RHOA: variants seen among roughly 807,000 people sequenced by gnomAD.
The protein encoded by RHOA is ras homolog family member A.
In RHOA, 3 loss-of-function variants were observed where a neutral mutation model predicts 17.5. That is an observed-to-expected ratio of 0.17 (90% CI 0.08 to 0.44). The LOEUF is 0.44. Ranked by LOEUF, RHOA falls within the 20% of genes least tolerant of loss-of-function variation. The pLI is 0.99. For missense variants in RHOA, 56 were observed against 242.3 expected, an observed-to-expected ratio of 0.23 and a Z score of 5.10; for synonymous variants, 98 against 88.4, an observed-to-expected ratio of 1.11 and a Z score of -0.61.
At chr3:49,368,619 T>TA (rs2048096584) in intron 2 of RHOA, 71 bp from the exon 3 acceptor site, 1 of 1,540,410 alleles carries the variant, frequency 6.5e-7, no homozygotes, top group Non-Finnish European at 9.0e-7. Context: ...AAGTGACACT[T>TA]ACCATAGTAC....
Position 49,359,434 on chromosome 3 carries a change from C to A in RHOA, c.*775G>T. 1 of 188,688 alleles carries A rather than the reference C, an allele frequency of 5.3e-6. No individual in the cohort carries two copies. The highest frequency in any genetic ancestry group is 1.1e-5 in the Non-Finnish European group (1 of 89,472). The allele number at this position is 188,688 out of a possible 1,614,324, so 11.7% of individuals were successfully genotyped here. The stretch of plus-strand genomic sequence containing the variant: ...CCATGGGGTACTGAGATACATGGGG[C>A]CGAAAAGGGGTAATATGGCCATCTT... On this transcript the variant is annotated 3_prime_UTR_variant, in exon 5 of 5. Transcript: ENST00000418115.
At chr3:49,367,682 C>A (rs2048081855) in intron 3 of RHOA, among the ~76,000 whole-genome samples, 1 of 151,490 alleles carries the variant, frequency 6.6e-6, no homozygotes, top group Non-Finnish European at 1.5e-5. Context: ...CCACCACACC[C>A]AGCTAATTTT....
chr3:49,396,610 G>A (rs1474826707), intron 1 of RHOA, among the ~76,000 whole-genome samples: 1 of 152,096 alleles, frequency 6.6e-6, no homozygotes, highest in African/African-American at 2.4e-5. Flanking sequence ...GGGAGGCTGA[G>A]GCAGGAGAAT....
rs1488405404 is a variant in RHOA, at chr3:49,360,068, T to C, written c.*141A>G. The C allele has an allele frequency of 2.0e-6, 2 of 1,015,646 alleles. No individual in the cohort carries two copies. The highest frequency in any genetic ancestry group is 1.6e-5 in the African/African-American group (1 of 61,540). 62.9% of individuals were successfully genotyped at this position (1,015,646 alleles called of 1,614,324 possible). On this transcript the variant is annotated 3_prime_UTR_variant, in exon 5 of 5. Coordinates refer to ENST00000418115, the MANE Select transcript of RHOA (RefSeq NM_001664.4). ...ATCGTTAATAATCATAGTTGGCTTCTAAATACTGGTAGCAAGATGACTTCT... is the reference window on the plus strand; with the variant it reads ...ATCGTTAATAATCATAGTTGGCTTCCAAATACTGGTAGCAAGATGACTTCT...
chr3:49,363,952 G>A (rs2048013155), intron 3 of RHOA, among the ~76,000 whole-genome samples: 1 of 152,168 alleles, frequency 6.6e-6, no homozygotes, highest in Admixed American at 6.6e-5. Flanking sequence ...GAGAGGCTGA[G>A]GTGGGAGGAT....
intron 1 of RHOA, among the ~76,000 whole-genome samples, chr3:49,408,180 AT>A (rs2048868001): frequency 7.2e-6 from 1 of 138,206 alleles, no homozygotes; most frequent in Admixed American, 7.0e-5. Flanking sequence ...AAAAAAAAAT[AT>A]ATATATATAC....
chr3:49,396,182 A>G (rs1475502850), intron 1 of RHOA, among the ~76,000 whole-genome samples: 1 of 152,246 alleles, frequency 6.6e-6, no homozygotes, highest in Non-Finnish European at 1.5e-5. Flanking sequence ...GTCCAGCAAC[A>G]GGAGAAAACC....
At chr3:49,396,831 T>A (rs28828372) in intron 1 of RHOA, among the ~76,000 whole-genome samples, 7 of 151,704 alleles carry the variant, frequency 4.6e-5, no homozygotes, top group Non-Finnish European at 7.4e-5. Flanking sequence ...CTAAAAAAAA[T>A]TTTTTTAAAG....
intron 1 of RHOA, among the ~76,000 whole-genome samples, chr3:49,393,073 G>T (rs1470459707): frequency 4.6e-5 from 7 of 152,036 alleles, no homozygotes; most frequent in Non-Finnish European, 8.8e-5. Flanking sequence ...CTACCTGAGA[G>T]GCTGAGGCAG....
intron 4 of RHOA, among the ~76,000 whole-genome samples, chr3:49,362,163 G>T (rs2047983633): frequency 6.6e-6 from 1 of 152,110 alleles, no homozygotes; most frequent in African/African-American, 2.4e-5. Flanking sequence ...CTCCAGCCTG[G>T]GTGACAGAAT....
chr3:49,376,644 C>CA (rs963176937), intron 1 of RHOA, among the ~76,000 whole-genome samples: 2,100 of 43,634 alleles, frequency 0.048, 59 homozygotes, highest in African/African-American at 0.098. Context: ...CTCCATCTCA[C>CA]AAAAAAAAAA....
intron 1 of RHOA, among the ~76,000 whole-genome samples, chr3:49,380,421 C>A (rs2048297061): frequency 6.6e-6 from 1 of 152,074 alleles, no homozygotes. Context: ...AAATTATATA[C>A]ACTCAGCTGG....
intron 4 of RHOA, among the ~76,000 whole-genome samples, chr3:49,362,038 T>G (rs2047980785): frequency 6.6e-6 from 1 of 150,714 alleles, no homozygotes; most frequent in Non-Finnish European, 1.5e-5. Context: ...AAAAAAAAAA[T>G]TAGCCGGTCA....
At chr3:49,364,148 G>A (rs1005436755) in intron 3 of RHOA, among the ~76,000 whole-genome samples, 2 of 151,992 alleles carry the variant, frequency 1.3e-5, no homozygotes, top group Admixed American at 6.6e-5. Flanking sequence ...TCAGGAGTTC[G>A]AGACCAGTCT....
chr3:49,394,563 C>T (rs2048580489), intron 1 of RHOA, among the ~76,000 whole-genome samples: 1 of 151,728 alleles, frequency 6.6e-6, no homozygotes, highest in Non-Finnish European at 1.5e-5. Context: ...ATTGGCCAAA[C>T]TGGTCTCAAA....
chr3:49,396,502 T>C (rs2048618803), intron 1 of RHOA, among the ~76,000 whole-genome samples: 1 of 152,060 alleles, frequency 6.6e-6, no homozygotes, highest in East Asian at 1.9e-4. Context: ...AGGTCAGCAG[T>C]TCGAGACCAG....
At chr3:49,383,034 A>T (rs2048342010) in intron 1 of RHOA, among the ~76,000 whole-genome samples, 1 of 151,922 alleles carries the variant, frequency 6.6e-6, no homozygotes, top group African/African-American at 2.4e-5. Context: ...AGCCTGGGCG[A>T]CAAGAGCAAA....
chr3:49,411,303 T>G (rs1239074702), intron 1 of RHOA, among the ~76,000 whole-genome samples: 1 of 152,252 alleles, frequency 6.6e-6, no homozygotes, highest in East Asian at 1.9e-4. Context: ...CCAACAAGTC[T>G]GCATTAAAAG....
At chr3:49,368,164 G>A (rs2048089666) in intron 3 of RHOA, among the ~76,000 whole-genome samples, 3 of 152,020 alleles carry the variant, frequency 2.0e-5, no homozygotes, top group Admixed American at 6.6e-5. Context: ...CCACCCGTCT[G>A]GACCTCCCAA....
Sources: allele counts gnomAD v4.1 joint callset (sites outside exome capture counted in the v4.1 genomes callset), GRCh38; gene constraint gnomAD v4.1.1; transcripts MANE v1.5; gene names NCBI Gene and HGNC (gene_info 2026-07-23, HGNC 2026-07-21).